The following EYA2 variants were observed in gnomAD, a reference collection of about 807,000 sequenced individuals.
EYA2 encodes the protein EYA transcriptional coactivator and phosphatase 2, also known as protein phosphatase EYA2.
Under a neutral mutation model 69.2 loss-of-function variants are expected in EYA2, and 31 were observed. The ratio of observed to expected loss-of-function variants is 0.45; its 90% confidence interval spans 0.34 to 0.60. The LOEUF is 0.60. Ranked by LOEUF, EYA2 falls within the 20% of genes least tolerant of loss-of-function variation. EYA2 has a pLI of 0.02. For synonymous variants in EYA2, 257 were observed against 279.4 expected (o/e 0.92, Z 0.80); for missense variants, 622 against 701.2 (o/e 0.89, Z 1.28).
At chr20:47,083,639 AC>A (rs2031798472) in intron 7 of EYA2, among the ~76,000 whole-genome samples, 1 of 151,960 alleles carries the variant, frequency 6.6e-6, no homozygotes, top group Non-Finnish European at 1.5e-5. Flanking sequence ...CACATGACAC[AC>A]AAAAAAAATG....
chr20:46,935,950 C>T (rs1985890499), intron 1 of EYA2, among the ~76,000 whole-genome samples: 1 of 152,008 alleles, frequency 6.6e-6, no homozygotes, highest in Admixed American at 6.6e-5. Context: ...AAATCTGAAA[C>T]TTTTTGAGTG....
rs116908775 is a variant in EYA2, at chr20:46,934,528, C to T, written c.-11+39541C>T. Among the ~76,000 whole-genome samples the T allele has an allele frequency of 2.1e-3, 314 of 152,184 alleles. 2 individuals carry two copies. Among genetic ancestry groups the T allele is most frequent in the Non-Finnish European group, 3.1e-3 (214 of 68,008 alleles). On this transcript the variant is annotated intron_variant, in intron 1 of 15. Coordinates refer to ENST00000327619, the MANE Select transcript of EYA2 (RefSeq NM_005244.5). Reference sequence around the variant, plus strand: ...CCTCCACAAATAGCACTGTGGGACGCGAAAGTGATCAGCTCCATCCAAAGG... The same window carrying T: ...CCTCCACAAATAGCACTGTGGGACGTGAAAGTGATCAGCTCCATCCAAAGG...
chr20:47,144,129 G>A (rs1241535218), intron 10 of EYA2, among the ~76,000 whole-genome samples: 4 of 152,246 alleles, frequency 2.6e-5, no homozygotes, highest in African/African-American at 4.8e-5. Flanking sequence ...AGGCCGAGGC[G>A]GGTGGATCAC....
chr20:46,912,077 A>G (rs1984671274), intron 1 of EYA2, among the ~76,000 whole-genome samples: 1 of 152,196 alleles, frequency 6.6e-6, no homozygotes, highest in Non-Finnish European at 1.5e-5. Context: ...ATGTATCAAT[A>G]AATAATCTTG....
chr20:47,143,126 A>C lies in EYA2; in HGVS notation c.956A>C (p.His319Pro). 1.2e-6 allele frequency: 2 copies of C among 1,613,480 alleles called. No individual in the cohort carries two copies. Among genetic ancestry groups the C allele is most frequent in the Non-Finnish European group, 1.7e-6 (2 of 1,179,742 alleles). Residue 319 changes from histidine (H) to proline (P), a missense_variant, in exon 10 of 16, where the codon CAT (histidine) becomes CCT (proline). His to Pro is a moderately conservative substitution (Grantham distance 77). Transcript: ENST00000327619. ...ATGATCTTCAACCTTGCAGATACAC[A>C]TCTGTTCTTCAATGACCTGGAGGTT... ...EEMIFNLADT[H>P]LFFNDLEDCD... is the part of the protein sequence containing the mutation.
chr20:47,076,452 T>C (rs2031521893), intron 7 of EYA2, among the ~76,000 whole-genome samples: 1 of 152,240 alleles, frequency 6.6e-6, no homozygotes, highest in Non-Finnish European at 1.5e-5. Context: ...ATTTCCCTAA[T>C]GACCAGTGAT....
At chr20:47,155,686 A>C (rs752785970) in intron 10 of EYA2, among the ~76,000 whole-genome samples, 5 of 151,752 alleles carry the variant, frequency 3.3e-5, no homozygotes, top group Non-Finnish European at 5.9e-5. Context: ...TGGTTTTTTC[A>C]ATCTCCATTT....
intron 5 of EYA2, among the ~76,000 whole-genome samples, chr20:47,039,914 C>A (rs1984949306): frequency 7.5e-6 from 1 of 133,720 alleles, no homozygotes; most frequent in South Asian, 2.5e-4. Flanking sequence ...GATCTCAGCT[C>A]ACTGCAACCT....
chr20:47,097,178 C>A lies in EYA2; in HGVS notation c.888+10C>A. The A allele has an allele frequency of 6.3e-7, 1 of 1,588,552 alleles. No homozygotes were observed. The highest frequency in any genetic ancestry group is 1.1e-5 in the South Asian group (1 of 88,446). ...ATCCAGATACGGGAAGGTAAGAATC[C>A]ATTTTGTCTCTCTCTCTCTTTTTTT... On this transcript the variant is annotated intron_variant, in intron 9 of 15. Transcript: ENST00000327619.
Position 47,078,331 on chromosome 20 carries a change from GCACACACACACACA to G in EYA2, c.661+4015_661+4028del, listed in dbSNP as rs60383949. Among the ~76,000 whole-genome samples the G allele has an allele frequency of 3.8e-4, 47 of 123,734 alleles. 1 individual carries two copies. Among genetic ancestry groups the G allele is most frequent in the Admixed American group, 3.6e-3 (46 of 12,642 alleles). 81.2% of individuals were successfully genotyped at this position (123,734 alleles called of 152,430 possible). On this transcript the variant is annotated intron_variant, in intron 7 of 15. Coordinates refer to ENST00000327619, the MANE Select transcript of EYA2 (RefSeq NM_005244.5). ...CACATGTGCACGTGCGCGCGCGCGC[GCACACACACACACA>G]CACACACACACACACACATTCATGC...
At chr20:47,122,367 C>G (rs2033075039) in intron 9 of EYA2, among the ~76,000 whole-genome samples, 1 of 143,508 alleles carries the variant, frequency 7.0e-6, no homozygotes, top group African/African-American at 2.6e-5. Flanking sequence ...GATCTCAGCT[C>G]ACTGCAAGCT....
At chr20:47,179,311 CTGAT>C (rs1279753204) in intron 12 of EYA2, among the ~76,000 whole-genome samples, 1 of 20,940 alleles carries the variant, frequency 4.8e-5, no homozygotes, top group African/African-American at 2.0e-4. Context: ...GGTGGGTAGA[CTGAT>C]GGGTGGGTGG....
chr20:47,124,438 C>A (rs1329889030), intron 9 of EYA2, among the ~76,000 whole-genome samples: 1 of 152,174 alleles, frequency 6.6e-6, no homozygotes, highest in Non-Finnish European at 1.5e-5. Context: ...GATGTTCTAT[C>A]TGAGGAAGTG....
chr20:47,072,146 A>C, intron 5 of EYA2, 39 bp from the exon 6 acceptor site: 1 of 1,585,552 alleles, frequency 6.3e-7, no homozygotes. Context: ...AAAAAAAGAC[A>C]AGAACCCTAA....
intron 14 of EYA2, 52 bp from the exon 15 acceptor site, chr20:47,183,239 C>T (rs1211803962): frequency 6.4e-7 from 1 of 1,562,626 alleles, no homozygotes; most frequent in Non-Finnish European, 8.8e-7. Flanking sequence ...GTATTGGCTG[C>T]AATCCGGGGT....
intron 5 of EYA2, among the ~76,000 whole-genome samples, chr20:47,059,201 C>T (rs16992266): frequency 0.018 from 2,801 of 152,246 alleles, 64 homozygotes; most frequent in African/African-American, 0.063. Context: ...CTGAGGCTGT[C>T]CACATAGTTT....
chr20:46,909,744 G>A (rs1344647809), intron 1 of EYA2, among the ~76,000 whole-genome samples: 2 of 152,054 alleles, frequency 1.3e-5, no homozygotes, highest in East Asian at 1.9e-4. Context: ...AAGTGAAATC[G>A]GCAGCATTTT....
chr20:47,181,061 G>C, intron 14 of EYA2, 125 bp downstream of exon 14: 2 of 1,356,232 alleles, frequency 1.5e-6, no homozygotes, highest in Non-Finnish European at 9.9e-7. Context: ...CTATGGCCAT[G>C]ACTCAGATTC....
At chr20:46,940,963 C>T (rs1986130568) in intron 1 of EYA2, among the ~76,000 whole-genome samples, 1 of 152,254 alleles carries the variant, frequency 6.6e-6, no homozygotes, top group African/African-American at 2.4e-5. Flanking sequence ...CACCTGCAAG[C>T]ACCATTTCTG....
Sources: allele counts gnomAD v4.1 joint callset (sites outside exome capture counted in the v4.1 genomes callset), GRCh38; gene constraint gnomAD v4.1.1; transcripts MANE v1.5; gene names NCBI Gene and HGNC (gene_info 2026-07-23, HGNC 2026-07-21).